Variants in CCDC102B observed in about 807,000 individuals in gnomAD.
CCDC102B encodes the protein coiled-coil domain-containing protein 102B.
Under a neutral mutation model 57.4 loss-of-function variants are expected in CCDC102B, and 75 were observed. That is an observed-to-expected ratio of 1.31 (90% CI 1.08 to 1.58). CCDC102B has a LOEUF of 1.58. Among genes scored for constraint, CCDC102B ranks in the 40% most tolerant of loss-of-function variants. The probability of loss-of-function intolerance (pLI) is 0.00; values close to 1 mark genes in which losing one functional copy is unlikely to be tolerated. For synonymous variants in CCDC102B, 206 were observed against 201.9 expected, an observed-to-expected ratio of 1.02 and a Z score of -0.17; for missense variants, 636 against 582.6, an observed-to-expected ratio of 1.09 and a Z score of -0.94.
intron 6 of CCDC102B, among the ~76,000 whole-genome samples, chr18:68,922,009 T>C (rs2145111323): frequency 6.6e-6 from 1 of 152,290 alleles, no homozygotes; most frequent in African/African-American, 2.4e-5. Flanking sequence ...CATACAACAC[T>C]TGATTAGTGC....
intron 1 of CCDC102B, among the ~76,000 whole-genome samples, chr18:68,831,030 T>G (rs1374220944): frequency 6.6e-6 from 1 of 152,000 alleles, no homozygotes; most frequent in Non-Finnish European, 1.5e-5. Flanking sequence ...GTCACACTGG[T>G]CACTTTTTTT....
chr18:68,856,886 T>C (rs2038411620), intron 4 of CCDC102B, among the ~76,000 whole-genome samples: 1 of 147,020 alleles, frequency 6.8e-6, no homozygotes, highest in South Asian at 2.1e-4. Context: ...TACACATATG[T>C]TGTGTATATA....
chr18:69,055,344 G>A (rs73967786), downstream of CCDC102B, among the ~76,000 whole-genome samples: 1,881 of 152,184 alleles, frequency 0.012, 48 homozygotes, highest in African/African-American at 0.042. Context: ...GCTAGGCTGT[G>A]TAGTAATGAA....
intron 6 of CCDC102B, among the ~76,000 whole-genome samples, chr18:68,987,688 A>G (rs2050759271): frequency 6.6e-6 from 1 of 152,164 alleles, no homozygotes; most frequent in Non-Finnish European, 1.5e-5. Flanking sequence ...TCTACAACGA[A>G]CTTAATAAGT....
chr18:69,041,129 A>G (rs1353163258), intron 7 of CCDC102B, among the ~76,000 whole-genome samples: 1 of 152,134 alleles, frequency 6.6e-6, no homozygotes, highest in Non-Finnish European at 1.5e-5. Context: ...AGTTTAATAC[A>G]TGCAGGTAAG....
intron 7 of CCDC102B, among the ~76,000 whole-genome samples, chr18:69,020,637 C>A (rs913948920): frequency 1.3e-5 from 2 of 151,984 alleles, no homozygotes; most frequent in African/African-American, 4.8e-5. Context: ...ATGGCAAAAA[C>A]CACAATTATT....
At chr18:68,921,351 T>C (rs1424123075) in intron 6 of CCDC102B, among the ~76,000 whole-genome samples, 1 of 152,032 alleles carries the variant, frequency 6.6e-6, no homozygotes, top group African/African-American at 2.4e-5. Flanking sequence ...CCACACAAGC[T>C]CTCTCTCTTT....
At chr18:68,820,821 T>C (rs1349112092) in intron 1 of CCDC102B, among the ~76,000 whole-genome samples, 1 of 152,160 alleles carries the variant, frequency 6.6e-6, no homozygotes, top group African/African-American at 2.4e-5. Flanking sequence ...GCTCACAGCA[T>C]AGCTGTTGTG....
intron 6 of CCDC102B, among the ~76,000 whole-genome samples, chr18:68,937,788 G>C (rs1229365560): frequency 6.6e-6 from 1 of 151,140 alleles, no homozygotes; most frequent in Non-Finnish European, 1.5e-5. Context: ...GCCCAGGTAT[G>C]TGATATTCCC....
chr18:68,855,852 T>C (rs563781055), intron 4 of CCDC102B, among the ~76,000 whole-genome samples: 1 of 152,260 alleles, frequency 6.6e-6, no homozygotes, highest in Non-Finnish European at 1.5e-5. Flanking sequence ...ATAAATTAAA[T>C]GGTGTAATTT....
intron 7 of CCDC102B, among the ~76,000 whole-genome samples, chr18:69,026,528 A>G (rs2051997963): frequency 6.6e-6 from 1 of 151,870 alleles, no homozygotes; most frequent in Non-Finnish European, 1.5e-5. Context: ...ACTAGAATGA[A>G]GCATAATACG....
chr18:69,039,673 T>C (rs761307533), intron 7 of CCDC102B, among the ~76,000 whole-genome samples: 14 of 151,916 alleles, frequency 9.2e-5, no homozygotes, highest in Middle Eastern at 3.2e-3. Context: ...AAATGCATGA[T>C]TATATATTTG....
In CCDC102B at chr18:68,911,613, G is replaced by A. The variant is rs547407904; in HGVS notation, c.1263+14185G>A. Among the ~76,000 whole-genome samples, 132 of 149,110 alleles carry A rather than the reference G, an allele frequency of 8.9e-4. 1 individual carries two copies. The highest frequency in any genetic ancestry group is 2.0e-3 in the African/African-American group (81 of 40,114). ...TAAAAATACAAAAAATTAGCCGGGC[G>A]TGGTGGCGGGCGCCTGTAGTCCCAG... On this transcript the variant is annotated intron_variant, in intron 6 of 7. Transcript: ENST00000360242.
intron 6 of CCDC102B, among the ~76,000 whole-genome samples, chr18:68,910,380 AG>A (rs1414947318): frequency 2.0e-5 from 3 of 152,240 alleles, no homozygotes; most frequent in African/African-American, 7.2e-5. Flanking sequence ...ATGTTTAGAT[AG>A]TACAGCAGAA....
At chr18:68,838,450 A>G (rs1161448442) in intron 2 of CCDC102B, 4 of 985,148 alleles carry the variant, frequency 4.1e-6, no homozygotes, top group African/African-American at 1.7e-5. Flanking sequence ...CTGCGATTAG[A>G]AAAAGAGAAC....
intron 6 of CCDC102B, among the ~76,000 whole-genome samples, chr18:68,966,638 C>T (rs1028025687): frequency 3.3e-5 from 5 of 152,118 alleles, no homozygotes; most frequent in Admixed American, 1.3e-4. Flanking sequence ...TGTGTTGCCG[C>T]ATTCCCTGCT....
intron 1 of CCDC102B, among the ~76,000 whole-genome samples, chr18:68,801,260 C>T (rs2035841117): frequency 6.6e-6 from 1 of 152,074 alleles, no homozygotes; most frequent in African/African-American, 2.4e-5. Flanking sequence ...AACTAGTGCT[C>T]CATCCTCAGT....
chr18:69,023,618 G>C (rs2051907113), intron 7 of CCDC102B, among the ~76,000 whole-genome samples: 1 of 151,680 alleles, frequency 6.6e-6, no homozygotes, highest in African/African-American at 2.4e-5. Flanking sequence ...CTTGAAATTA[G>C]GTACTGTAAT....
At chr18:69,001,636 C>T (rs1407979127) in intron 6 of CCDC102B, among the ~76,000 whole-genome samples, 1 of 152,190 alleles carries the variant, frequency 6.6e-6, no homozygotes, top group Non-Finnish European at 1.5e-5. Flanking sequence ...ACCACTGTGA[C>T]TCCACCACAG....
Sources: allele counts gnomAD v4.1 joint callset (sites outside exome capture counted in the v4.1 genomes callset), GRCh38; gene constraint gnomAD v4.1.1; transcripts MANE v1.5; gene names NCBI Gene and HGNC (gene_info 2026-07-23, HGNC 2026-07-21).